TSPAN18: variants seen among roughly 807,000 people sequenced by gnomAD.
TSPAN18 encodes tetraspanin 18.
A neutral mutation model predicts 27.3 loss-of-function variants in TSPAN18; 14 were observed. The ratio of observed to expected loss-of-function variants is 0.51; its 90% CI spans 0.34 to 0.80. TSPAN18 has a LOEUF of 0.80. Ranked by LOEUF, TSPAN18 falls within the 30% of genes least tolerant of loss-of-function variation. The pLI is 0.01. For missense variants in TSPAN18, 268 were observed against 323.9 expected (o/e 0.83, Z 1.32); for synonymous variants, 143 against 136.5 (o/e 1.05, Z -0.33).
At chr11:44,728,281 A>C (rs1854567885) in intron 1 of TSPAN18, among the ~76,000 whole-genome samples, 1 of 152,266 alleles carries the variant, frequency 6.6e-6, no homozygotes, top group South Asian at 2.1e-4. Context: ...TGGATGAGTA[A>C]GAAATTTACC....
intron 3 of TSPAN18, among the ~76,000 whole-genome samples, chr11:44,877,226 G>T (rs536024814): frequency 6.6e-6 from 1 of 152,380 alleles, no homozygotes; most frequent in South Asian, 2.1e-4. Flanking sequence ...GGGTATGGCA[G>T]GCTGGGGCGG....
intron 9 of TSPAN18, among the ~76,000 whole-genome samples, chr11:44,927,779 C>A (rs1463556228): frequency 3.3e-5 from 5 of 152,176 alleles, no homozygotes; most frequent in African/African-American, 1.2e-4. Context: ...TAGAGTCCGG[C>A]TCCCAGCTCT....
intron 5 of TSPAN18, among the ~76,000 whole-genome samples, chr11:44,913,845 A>G (rs968392935): frequency 6.6e-6 from 1 of 152,280 alleles, no homozygotes; most frequent in African/African-American, 2.4e-5. Flanking sequence ...ACCCTGGGAA[A>G]GGCCTTGATG....
chr11:44,903,027 C>T (rs1434689465), intron 3 of TSPAN18, among the ~76,000 whole-genome samples: 1 of 152,176 alleles, frequency 6.6e-6, no homozygotes, highest in African/African-American at 2.4e-5. Context: ...CCAAGTGCAA[C>T]CCTACTGTGT....
chr11:44,863,385 T>C (rs1857947996), intron 3 of TSPAN18, among the ~76,000 whole-genome samples: 1 of 152,240 alleles, frequency 6.6e-6, no homozygotes, highest in African/African-American at 2.4e-5. Flanking sequence ...CCATCTTGTC[T>C]TCAAGGCTGC....
chr11:44,791,652 G>C (rs1276772965), intron 2 of TSPAN18, among the ~76,000 whole-genome samples: 1 of 152,208 alleles, frequency 6.6e-6, no homozygotes, highest in Non-Finnish European at 1.5e-5. Context: ...CAGGCTCCAG[G>C]GAACCAGTCT....
intron 2 of TSPAN18, among the ~76,000 whole-genome samples, chr11:44,798,194 G>C (rs1023162942): frequency 3.9e-5 from 6 of 152,160 alleles, no homozygotes; most frequent in African/African-American, 1.4e-4. Context: ...ACTATCTGCT[G>C]TTGAGGATTA....
At chr11:44,870,107 C>T (rs549531228) in intron 3 of TSPAN18, among the ~76,000 whole-genome samples, 60 of 152,344 alleles carry the variant, frequency 3.9e-4, no homozygotes, top group African/African-American at 1.4e-3. Context: ...ATAATTTACA[C>T]ACCCTAACAT....
chr11:44,870,589 A>G (rs1858167343), intron 3 of TSPAN18, among the ~76,000 whole-genome samples: 1 of 152,190 alleles, frequency 6.6e-6, no homozygotes, highest in African/African-American at 2.4e-5. Context: ...ACTACAGGAA[A>G]TTCTCAGATC....
chr11:44,752,634 T>C (rs904510004), intron 1 of TSPAN18, among the ~76,000 whole-genome samples: 2 of 152,238 alleles, frequency 1.3e-5, no homozygotes, highest in African/African-American at 2.4e-5. Flanking sequence ...GAGTATGTAT[T>C]GTCAGTATAA....
intron 1 of TSPAN18, among the ~76,000 whole-genome samples, chr11:44,739,969 C>T (rs753518113): frequency 1.3e-5 from 2 of 152,138 alleles, no homozygotes; most frequent in South Asian, 2.1e-4. Flanking sequence ...CATGGCCAGC[C>T]GTGATGCAGT....
chr11:44,787,067 T>G (rs890275314), intron 2 of TSPAN18, among the ~76,000 whole-genome samples: 2 of 152,196 alleles, frequency 1.3e-5, no homozygotes, highest in African/African-American at 4.8e-5. Flanking sequence ...GCTTGTGGGC[T>G]GGGGACAAGA....
intron 2 of TSPAN18, among the ~76,000 whole-genome samples, chr11:44,826,564 G>A (rs912166518): frequency 3.9e-5 from 6 of 152,240 alleles, no homozygotes; most frequent in Non-Finnish European, 5.9e-5. Context: ...ACTGCTCTCA[G>A]GGTTTTACCT....
chr11:44,737,176 G>A (rs1854817012), intron 1 of TSPAN18, among the ~76,000 whole-genome samples: 1 of 152,218 alleles, frequency 6.6e-6, no homozygotes, highest in Non-Finnish European at 1.5e-5. Context: ...GTGGGGGCAT[G>A]GGGAGGCCAT....
chr11:44,885,693 C>T (rs1858626703), intron 3 of TSPAN18, among the ~76,000 whole-genome samples: 1 of 152,176 alleles, frequency 6.6e-6, no homozygotes. Flanking sequence ...TACTGAGGCC[C>T]AAGCCCCAGG....
intron 2 of TSPAN18, among the ~76,000 whole-genome samples, chr11:44,779,977 T>A (rs835821): frequency 0.98 from 149,932 of 152,340 alleles, 73,825 homozygotes; most frequent in East Asian, 1. Context: ...CTGTCTGCCT[T>A]TGCACATACC....
chr11:44,830,034 C>T (rs1407778792), intron 2 of TSPAN18, among the ~76,000 whole-genome samples: 1 of 152,224 alleles, frequency 6.6e-6, no homozygotes, highest in African/African-American at 2.4e-5. Context: ...CCTGCATGAT[C>T]CACCCCTGCC....
rs537433122 is a variant in TSPAN18, at chr11:44,790,415, A to G, written c.-153+25903A>G. Among the ~76,000 whole-genome samples the G allele has an allele frequency of 1.3e-3, 167 of 128,882 alleles. 3 individuals are homozygous for G. The East Asian group carries it at 0.032, about 25-fold the overall frequency. The allele number at this position is 128,882 out of a possible 152,430, so 84.6% of individuals were successfully genotyped here. A position where few individuals can be genotyped will look rare whatever the true frequency, so the allele number is the denominator to read the frequency against. The stretch of plus-strand genomic sequence containing the variant: ...TGTGCTCTTGCTTGTACGTGTGTGC[A>G]TGTGTGTGCATGTGTGTGTACATGT... On this transcript the variant is annotated intron_variant, in intron 2 of 9. Coordinates refer to ENST00000520358, the MANE Select transcript of TSPAN18 (RefSeq NM_130783.5).
rs1294457021 is a variant in TSPAN18, at chr11:44,926,482, G to T, written c.616-192G>T. On this transcript the variant is annotated intron_variant, in intron 8 of 9. Transcript: ENST00000520358. ...GGGCCGGGTGGCAAAGAGGGTCTTTGGTGCAATGCTGCCAAGTCGCTGTTT... is the reference window on the plus strand; with the variant it reads ...GGGCCGGGTGGCAAAGAGGGTCTTTTGTGCAATGCTGCCAAGTCGCTGTTT... The T allele has an allele frequency of 2.3e-5, 14 of 597,630 alleles. No homozygotes were observed. In the East Asian group the frequency reaches 3.9e-4, roughly 17 times the overall value. The allele number at this position is 597,630 out of a possible 1,614,324, so 37.0% of individuals were successfully genotyped here. A position where few individuals can be genotyped will look rare whatever the true frequency, so the allele number is the denominator to read the frequency against.
Sources: allele counts gnomAD v4.1 joint callset (sites outside exome capture counted in the v4.1 genomes callset), GRCh38; gene constraint gnomAD v4.1.1; transcripts MANE v1.5; gene names NCBI Gene and HGNC (gene_info 2026-07-23, HGNC 2026-07-21).